The following NT5M variants were observed in gnomAD, a reference collection of about 807,000 sequenced individuals.
The protein encoded by NT5M is 5'(3')-deoxyribonucleotidase, mitochondrial.
In NT5M, 22 loss-of-function variants were observed where a neutral mutation model predicts 22.2. That is an observed-to-expected ratio of 0.99 (90% CI 0.71 to 1.41). NT5M has a LOEUF of 1.41. NT5M is among the 40% of genes most tolerant of loss of function. The pLI, the probability that NT5M is intolerant of heterozygous loss-of-function variation, is 0.00. For missense variants in NT5M, 322 were observed against 314.8 expected (o/e 1.02, Z -0.17); for synonymous variants, 167 against 133.0 (o/e 1.26, Z -1.76).
At chr17:17,346,607 G>A (rs367655814) in intron 4 of NT5M, among the ~76,000 whole-genome samples, 198 bp from the exon 5 acceptor site, 1 of 152,234 alleles carries the variant, frequency 6.6e-6, no homozygotes, top group Non-Finnish European at 1.5e-5. Context: ...CACTGGCTGC[G>A]CGTGCTGACG....
At chr17:17,304,916 C>T (rs1380004295) in intron 1 of NT5M, among the ~76,000 whole-genome samples, 1 of 152,126 alleles carries the variant, frequency 6.6e-6, no homozygotes, top group Non-Finnish European at 1.5e-5. Flanking sequence ...AAACCAAGTA[C>T]CGTTTGTCTC....
intron 2 of NT5M, among the ~76,000 whole-genome samples, chr17:17,313,133 G>T (rs2048954669): frequency 6.6e-6 from 1 of 151,638 alleles, no homozygotes; most frequent in East Asian, 1.9e-4. Flanking sequence ...GCTGGGTGTG[G>T]TGGGCGTGGT....
intron 3 of NT5M, among the ~76,000 whole-genome samples, chr17:17,331,130 T>G (rs2145402937): frequency 6.6e-6 from 1 of 151,766 alleles, no homozygotes; most frequent in African/African-American, 2.4e-5. Context: ...GACTTGGCAC[T>G]TTCTCTTGGC....
At chr17:17,310,199 T>A (rs1002584887) in intron 2 of NT5M, among the ~76,000 whole-genome samples, 1 of 152,118 alleles carries the variant, frequency 6.6e-6, no homozygotes, top group African/African-American at 2.4e-5. Flanking sequence ...TATTTATAAA[T>A]CATGTATCTG....
intron 3 of NT5M, among the ~76,000 whole-genome samples, chr17:17,330,746 T>C (rs112833543): frequency 2.1e-4 from 27 of 129,174 alleles, no homozygotes; most frequent in African/African-American, 4.4e-4. Flanking sequence ...TTCTTTCTTT[T>C]TTTTTTTTTT....
intron 3 of NT5M, among the ~76,000 whole-genome samples, chr17:17,325,990 G>A (rs566258849): frequency 6.6e-6 from 1 of 152,264 alleles, no homozygotes; most frequent in African/African-American, 2.4e-5. Flanking sequence ...TGTGCAGGCT[G>A]GGCTCTCACC....
intron 3 of NT5M, among the ~76,000 whole-genome samples, chr17:17,331,754 C>T (rs2049390987): frequency 1.3e-5 from 2 of 151,360 alleles, no homozygotes; most frequent in Admixed American, 6.6e-5. Flanking sequence ...TTGAAAACCT[C>T]CAGTTTTATG....
At chr17:17,328,020 T>G (rs1048050204) in intron 3 of NT5M, among the ~76,000 whole-genome samples, 1 of 152,142 alleles carries the variant, frequency 6.6e-6, no homozygotes, top group African/African-American at 2.4e-5. Flanking sequence ...GTTCTTAGGG[T>G]GAATTCCAAG....
rs953587650 is a variant in NT5M, at chr17:17,340,201, A to G, written c.430-4593A>G. Reference sequence around the variant, plus strand: ...TTGTTTTGAATTTCTTCATGGTTCAATCTTGGTAGATTGCATGTATCTAGG... The same window carrying G: ...TTGTTTTGAATTTCTTCATGGTTCAGTCTTGGTAGATTGCATGTATCTAGG... On this transcript the variant is annotated intron_variant, in intron 3 of 4. Coordinates refer to ENST00000389022, the MANE Select transcript of NT5M (RefSeq NM_020201.4). 3.3e-5 allele frequency among the ~76,000 whole-genome samples: 5 copies of G among 152,230 alleles called. No individual in the cohort carries two copies. The South Asian group carries it at 6.2e-4, about 19-fold the overall frequency.
At chr17:17,327,881 G>T (rs2049295459) in intron 3 of NT5M, among the ~76,000 whole-genome samples, 1 of 37,466 alleles carries the variant, frequency 2.7e-5, no homozygotes, top group Non-Finnish European at 6.3e-5. Flanking sequence ...CAAACTCCTA[G>T]CCTCAAAGTA....
At chr17:17,343,596 CAG>C (rs1021352036) in intron 3 of NT5M, among the ~76,000 whole-genome samples, 1 of 152,140 alleles carries the variant, frequency 6.6e-6, no homozygotes, top group Non-Finnish European at 1.5e-5. Flanking sequence ...TTGTCATACA[CAG>C]GGAAAAACGG....
intron 3 of NT5M, among the ~76,000 whole-genome samples, chr17:17,336,348 C>A (rs2049511496): frequency 6.6e-6 from 1 of 152,010 alleles, no homozygotes; most frequent in Admixed American, 6.6e-5. Context: ...CACTTTCCTT[C>A]TAGATACTCC....
intron 3 of NT5M, 39 bp from the exon 4 acceptor site, chr17:17,344,755 C>G (rs773258269): frequency 1.2e-6 from 2 of 1,606,236 alleles, no homozygotes; most frequent in Admixed American, 1.7e-5. Flanking sequence ...TCTGATGTCA[C>G]TTTCTTCTCA....
chr17:17,345,886 G>T (rs2049747981), intron 4 of NT5M, among the ~76,000 whole-genome samples: 1 of 152,156 alleles, frequency 6.6e-6, no homozygotes. Flanking sequence ...AAGGGGTGAG[G>T]AGGGCTTTGG....
chr17:17,330,252 A>G (rs1337818639), intron 3 of NT5M, among the ~76,000 whole-genome samples: 1 of 145,776 alleles, frequency 6.9e-6, no homozygotes, highest in Non-Finnish European at 1.5e-5. Flanking sequence ...GTGAGCCGAG[A>G]TGGTGCCACT....
chr17:17,306,952 C>G (rs2048815285), intron 2 of NT5M, among the ~76,000 whole-genome samples: 1 of 152,156 alleles, frequency 6.6e-6, no homozygotes, highest in Non-Finnish European at 1.5e-5. Flanking sequence ...AATCCCAGCA[C>G]TTTGGGAGGC....
At chr17:17,344,763 T>G in intron 3 of NT5M, 31 bp from the exon 4 acceptor site, 1 of 1,609,010 alleles carries the variant, frequency 6.2e-7, no homozygotes, top group East Asian at 2.2e-5. Flanking sequence ...CACTTTCTTC[T>G]CACCACCTGC....
At chr17:17,317,410 AG>A (rs1350917696) in intron 2 of NT5M, among the ~76,000 whole-genome samples, 1 of 152,196 alleles carries the variant, frequency 6.6e-6, no homozygotes, top group African/African-American at 2.4e-5. Flanking sequence ...TTTCCAATGA[AG>A]ATATACAGAT....
chr17:17,304,024 C>T, intron 1 of NT5M: 2 of 1,221,528 alleles, frequency 1.6e-6, no homozygotes, highest in Non-Finnish European at 2.1e-6. Flanking sequence ...TCCAAGGTTT[C>T]TGAAAATGCG....
Sources: gnomAD v4.1 joint callset for allele counts (sites outside exome capture counted in the v4.1 genomes callset) on GRCh38, gnomAD v4.1.1 for gene constraint, MANE v1.5 for transcripts, NCBI Gene and HGNC (gene_info 2026-07-23, HGNC 2026-07-21) for gene names.